The following CHRM3 variants were observed in gnomAD, a reference collection of about 807,000 sequenced individuals.
CHRM3 encodes the protein muscarinic acetylcholine receptor M3.
CHRM3 carries 11 observed loss-of-function variants against 41.8 expected under a neutral mutation model. The ratio of observed to expected loss-of-function variants is 0.26; its 90% CI spans 0.17 to 0.44. CHRM3 has a LOEUF of 0.44. CHRM3 is among the 20% of genes least tolerant of loss of function. The pLI, the probability that CHRM3 is intolerant of heterozygous loss-of-function variation, is 1.00. For missense variants in CHRM3, 571 were observed against 745.4 expected (o/e 0.77, Z 2.72); for synonymous variants, 297 against 301.4 (o/e 0.99, Z 0.15).
intron 5 of CHRM3, among the ~76,000 whole-genome samples, chr1:239,718,462 T>C (rs774312438): frequency 2.6e-5 from 4 of 152,042 alleles, no homozygotes; most frequent in Non-Finnish European, 5.9e-5. Flanking sequence ...TATTTGTTTC[T>C]AATTGGGGAA....
chr1:239,611,595 A>T (rs1667059924), intron 3 of CHRM3, among the ~76,000 whole-genome samples: 1 of 151,594 alleles, frequency 6.6e-6, no homozygotes, highest in Non-Finnish European at 1.5e-5. Context: ...TAACTTTTTT[A>T]TTTTTAGTAG....
At chr1:239,512,315 G>A (rs930704486) in intron 2 of CHRM3, among the ~76,000 whole-genome samples, 4 of 152,190 alleles carry the variant, frequency 2.6e-5, no homozygotes, top group Non-Finnish European at 5.9e-5. Flanking sequence ...AACCATCTGA[G>A]CTCTGAGGAT....
intron 5 of CHRM3, among the ~76,000 whole-genome samples, chr1:239,717,673 T>C (rs557825867): frequency 6.6e-6 from 1 of 152,148 alleles, no homozygotes; most frequent in African/African-American, 2.4e-5. Context: ...AGGTAAGGTT[T>C]GCTCTTTTAT....
rs552436941 is a variant in CHRM3, at chr1:239,668,127, C to G, written c.-249-10059C>G. Among the ~76,000 whole-genome samples the G allele has an allele frequency of 7.5e-3, 645 of 85,700 alleles. 8 individuals are homozygous for G. The highest frequency in any genetic ancestry group is 0.028 in the African/African-American group (618 of 21,808). 56.2% of individuals were successfully genotyped at this position (85,700 alleles called of 152,430 possible). ...TTTTTTTTTTTTTTTGAGACAGAGT[C>G]TTGCTCTGTTGCCCAGGCTGGAGTG... On this transcript the variant is annotated intron_variant, in intron 4 of 6. Transcript: ENST00000676153.
At chr1:239,464,451 T>A (rs1361325073) in intron 1 of CHRM3, among the ~76,000 whole-genome samples, 1 of 152,200 alleles carries the variant, frequency 6.6e-6, no homozygotes, top group East Asian at 1.9e-4. Context: ...GAATTCGTTC[T>A]AGCCTCCATT....
intron 5 of CHRM3, among the ~76,000 whole-genome samples, chr1:239,731,916 T>C (rs951179407): frequency 4.6e-5 from 7 of 152,008 alleles, no homozygotes; most frequent in African/African-American, 1.4e-4. Context: ...TAAATACATA[T>C]TAAGCTACAT....
chr1:239,733,056 C>T (rs2148436767), intron 5 of CHRM3, among the ~76,000 whole-genome samples: 1 of 152,158 alleles, frequency 6.6e-6, no homozygotes, highest in Non-Finnish European at 1.5e-5. Context: ...GTGCTATTTT[C>T]CCTCCAGACG....
intron 2 of CHRM3, among the ~76,000 whole-genome samples, chr1:239,505,257 TGG>T (rs1358334019): frequency 8.5e-6 from 1 of 117,484 alleles, no homozygotes; most frequent in African/African-American, 2.9e-5. Flanking sequence ...AACTGTTTCC[TGG>T]GATGATGATG....
chr1:239,394,823 A>G (rs112503867), intron 1 of CHRM3, among the ~76,000 whole-genome samples: 1 of 152,186 alleles, frequency 6.6e-6, no homozygotes, highest in African/African-American at 2.4e-5. Context: ...TTTAAAGTTG[A>G]GAAGTTTAAA....
intron 3 of CHRM3, among the ~76,000 whole-genome samples, chr1:239,552,866 G>A (rs1304033408): frequency 1.3e-5 from 2 of 151,792 alleles, no homozygotes; most frequent in African/African-American, 4.8e-5. Context: ...ACCTTTATGA[G>A]TCTCCATTTT....
intron 1 of CHRM3, among the ~76,000 whole-genome samples, chr1:239,462,192 T>C (rs767132947): frequency 1.3e-5 from 2 of 152,202 alleles, no homozygotes; most frequent in East Asian, 1.9e-4. Context: ...TTTGGAGATA[T>C]TTACTAAATT....
intron 6 of CHRM3, among the ~76,000 whole-genome samples, chr1:239,892,128 G>A (rs1348557960): frequency 6.6e-6 from 1 of 152,158 alleles, no homozygotes; most frequent in East Asian, 1.9e-4. Context: ...ACTGTTTTGT[G>A]TGACTGGTTC....
chr1:239,536,762 T>C (rs1658242110), intron 2 of CHRM3, among the ~76,000 whole-genome samples: 1 of 152,202 alleles, frequency 6.6e-6, no homozygotes, highest in Admixed American at 6.5e-5. Flanking sequence ...AACCAAGGTC[T>C]TTTCAGATTT....
intron 3 of CHRM3, among the ~76,000 whole-genome samples, chr1:239,618,775 C>T (rs369866957): frequency 1.8e-4 from 24 of 134,922 alleles, no homozygotes; most frequent in African/African-American, 5.8e-4. Context: ...ACCCGGGAGG[C>T]GGAGCTTGCA....
chr1:239,511,235 T>C (rs1668898012), intron 2 of CHRM3, among the ~76,000 whole-genome samples: 1 of 152,264 alleles, frequency 6.6e-6, no homozygotes, highest in Non-Finnish European at 1.5e-5. Flanking sequence ...TGGAAATTAC[T>C]TTCTAATACT....
chr1:239,590,190 C>T (rs1663963696), intron 3 of CHRM3, among the ~76,000 whole-genome samples: 1 of 152,138 alleles, frequency 6.6e-6, no homozygotes, highest in Non-Finnish European at 1.5e-5. Flanking sequence ...GAATCCCTAG[C>T]TACTCCTGGT....
intron 3 of CHRM3, among the ~76,000 whole-genome samples, chr1:239,599,148 T>C (rs1261139891): frequency 6.6e-6 from 1 of 152,178 alleles, no homozygotes; most frequent in African/African-American, 2.4e-5. Context: ...CTTCTTTGTC[T>C]CTTATTTTCT....
intron 5 of CHRM3, among the ~76,000 whole-genome samples, chr1:239,761,838 C>T (rs1328193698): frequency 6.6e-6 from 1 of 152,204 alleles, no homozygotes; most frequent in African/African-American, 2.4e-5. Context: ...AATTTCCTCG[C>T]TTTGCCACTT....
intron 1 of CHRM3, among the ~76,000 whole-genome samples, chr1:239,484,196 C>T (rs1414446088): frequency 6.6e-6 from 1 of 152,156 alleles, no homozygotes; most frequent in Non-Finnish European, 1.5e-5. Context: ...ATGGCACCAC[C>T]ATCTGCTCAG....
Sources: allele counts gnomAD v4.1 joint callset (sites outside exome capture counted in the v4.1 genomes callset), GRCh38; gene constraint gnomAD v4.1.1; transcripts MANE v1.5; gene names NCBI Gene and HGNC (gene_info 2026-07-23, HGNC 2026-07-21).